The following FNDC3B variants were observed in gnomAD, a reference collection of about 807,000 sequenced individuals.
FNDC3B encodes fibronectin type III domain containing 3B, also known as fibronectin type III domain-containing protein 3B.
In FNDC3B, 12 loss-of-function variants were observed where a neutral mutation model predicts 151.5. The ratio of observed to expected loss-of-function variants is 0.08; its 90% confidence interval spans 0.05 to 0.13. The LOEUF is 0.13. Ranked by LOEUF, FNDC3B falls within the 10% of genes least tolerant of loss-of-function variation. The pLI is 1.00. For missense variants in FNDC3B, 1,214 were observed against 1,505.3 expected (o/e 0.81, Z 3.20); for synonymous variants, 528 against 549.0 (o/e 0.96, Z 0.54).
intron 22 of FNDC3B, among the ~76,000 whole-genome samples, chr3:172,362,428 A>AT (rs11333442): frequency 1.8e-4 from 27 of 150,716 alleles, no homozygotes; most frequent in South Asian, 6.3e-4. Context: ...CTTTTTTGCT[A>AT]TTTTTTTTTT....
At chr3:172,293,752 G>T (rs1026617947) in intron 7 of FNDC3B, among the ~76,000 whole-genome samples, 1 of 152,174 alleles carries the variant, frequency 6.6e-6, no homozygotes, top group Non-Finnish European at 1.5e-5. Flanking sequence ...TATTTATATG[G>T]AATAAATAGT....
intron 11 of FNDC3B, among the ~76,000 whole-genome samples, chr3:172,317,860 G>A (rs936359901): frequency 3.3e-5 from 5 of 152,198 alleles, no homozygotes; most frequent in East Asian, 1.9e-4. Flanking sequence ...TAGTGCTATC[G>A]ATGGATGTTA....
chr3:172,354,452 G>A (rs913254393), intron 22 of FNDC3B, among the ~76,000 whole-genome samples: 27 of 151,194 alleles, frequency 1.8e-4, no homozygotes, highest in East Asian at 7.8e-4. Context: ...TGGTATGCCC[G>A]TATCAGTAAA....
intron 2 of FNDC3B, among the ~76,000 whole-genome samples, chr3:172,124,129 C>T (rs529491111): frequency 1.8e-4 from 28 of 152,160 alleles, no homozygotes; most frequent in African/African-American, 4.8e-4. Context: ...CTTGCTCTGT[C>T]GCCCAGGCTG....
At chr3:172,086,615 A>G (rs1232540214) in intron 1 of FNDC3B, among the ~76,000 whole-genome samples, 1 of 152,236 alleles carries the variant, frequency 6.6e-6, no homozygotes, top group African/African-American at 2.4e-5. Context: ...AAATGCTAAT[A>G]ACATTTCTTA....
chr3:172,154,140 T>C (rs1173447193), intron 3 of FNDC3B, among the ~76,000 whole-genome samples: 2 of 152,210 alleles, frequency 1.3e-5, no homozygotes, highest in Non-Finnish European at 2.9e-5. Flanking sequence ...TGTCTTCTAA[T>C]AGGCCCCCCA....
rs1017803618 is a variant in FNDC3B at position 172,399,549 on chromosome 3, A to C, written c.*2074A>C. The C allele has an allele frequency of 6.5e-5, 10 of 152,674 alleles. No homozygotes were observed. The highest frequency in any genetic ancestry group is 5.2e-4 in the Admixed American group (8 of 15,286). 9.5% of individuals were successfully genotyped at this position (152,674 alleles called of 1,614,324 possible). A position where few individuals can be genotyped will look rare whatever the true frequency, so the allele number is the denominator to read the frequency against. On this transcript the variant is annotated 3_prime_UTR_variant, in exon 26 of 26. Transcript: ENST00000415807. ...GTTCTGTATTTTATTATTGACTATA[A>C]TAATTAGTTTAATTAGCTTTGCAAA... is the stretch of plus-strand genomic sequence containing the variant.
At chr3:172,169,922 A>G (rs1209189227) in intron 3 of FNDC3B, among the ~76,000 whole-genome samples, 1 of 152,210 alleles carries the variant, frequency 6.6e-6, no homozygotes, top group African/African-American at 2.4e-5. Flanking sequence ...TTTTAAACTA[A>G]GGGAACCTAA....
intron 25 of FNDC3B, among the ~76,000 whole-genome samples, chr3:172,395,172 C>T (rs114622612): frequency 0.011 from 1,642 of 152,138 alleles, 32 homozygotes; most frequent in African/African-American, 0.037. Context: ...GATAGAGTTC[C>T]GTTAATTTTA....
intron 5 of FNDC3B, among the ~76,000 whole-genome samples, chr3:172,250,684 C>G (rs1728016649): frequency 1.3e-5 from 2 of 152,162 alleles, no homozygotes; most frequent in Admixed American, 1.3e-4. Flanking sequence ...GGATAACAAC[C>G]TTGTCTTCAG....
intron 3 of FNDC3B, among the ~76,000 whole-genome samples, chr3:172,136,878 C>G (rs746813789): frequency 2.6e-5 from 4 of 152,130 alleles, no homozygotes; most frequent in Non-Finnish European, 5.9e-5. Context: ...CGCCACCACA[C>G]CTGTCTAATT....
intron 1 of FNDC3B, among the ~76,000 whole-genome samples, chr3:172,098,473 T>G (rs1719198908): frequency 6.6e-6 from 1 of 152,158 alleles, no homozygotes. Flanking sequence ...GTATTTAAGG[T>G]ATTTAAGGAA....
intron 3 of FNDC3B, among the ~76,000 whole-genome samples, chr3:172,173,996 G>T (rs1021355834): frequency 6.6e-6 from 1 of 152,152 alleles, no homozygotes; most frequent in Non-Finnish European, 1.5e-5. Context: ...GTTCGTCAGC[G>T]AACTGAGAAT....
chr3:172,171,399 G>A (rs1163174572), intron 3 of FNDC3B, among the ~76,000 whole-genome samples: 1 of 151,982 alleles, frequency 6.6e-6, no homozygotes, highest in Non-Finnish European at 1.5e-5. Context: ...TGTAGATGTG[G>A]CACATATTAC....
intron 3 of FNDC3B, among the ~76,000 whole-genome samples, chr3:172,189,239 C>G (rs937490857): frequency 2.0e-5 from 3 of 152,098 alleles, no homozygotes; most frequent in East Asian, 3.8e-4. Flanking sequence ...TAAAAATGTT[C>G]AGTCAAAATA....
intron 1 of FNDC3B, among the ~76,000 whole-genome samples, chr3:172,075,711 T>C (rs1461765191): frequency 6.8e-6 from 1 of 145,990 alleles, no homozygotes; most frequent in Non-Finnish European, 1.5e-5. Context: ...ATATTTTACA[T>C]TGTAGCCCAG....
intron 24 of FNDC3B, among the ~76,000 whole-genome samples, chr3:172,379,311 A>G (rs1177185777): frequency 6.6e-6 from 1 of 152,246 alleles, no homozygotes; most frequent in Non-Finnish European, 1.5e-5. Context: ...ATTGCTCAAA[A>G]TAACCCTAAG....
At chr3:172,133,796 A>C in intron 3 of FNDC3B, 1 of 494,508 alleles carries the variant, frequency 2.0e-6, no homozygotes, top group Non-Finnish European at 3.7e-6. Context: ...TTACTCCAAA[A>C]TTTGGTGGCT....
At chr3:172,063,407 G>A (rs1232633602) in intron 1 of FNDC3B, among the ~76,000 whole-genome samples, 3 of 152,140 alleles carry the variant, frequency 2.0e-5, no homozygotes, top group Non-Finnish European at 2.9e-5. Flanking sequence ...CACTGTGCCT[G>A]TTAAACTCTT....
Sources: gnomAD v4.1 joint callset for allele counts (sites outside exome capture counted in the v4.1 genomes callset) on GRCh38, gnomAD v4.1.1 for gene constraint, MANE v1.5 for transcripts, NCBI Gene and HGNC (gene_info 2026-07-23, HGNC 2026-07-21) for gene names.